TNNT2: variants seen among roughly 807,000 people sequenced by gnomAD.
TNNT2 encodes troponin T2, cardiac type.
A neutral mutation model predicts 62.4 loss-of-function variants in TNNT2; 34 were observed. That is an observed-to-expected ratio of 0.54 (90% confidence interval 0.41 to 0.72). The LOEUF (loss-of-function observed/expected upper bound fraction) is 0.72. TNNT2 is among the 30% of genes least tolerant of loss of function. TNNT2 has a pLI of 0.00. For synonymous variants in TNNT2, 123 were observed against 127.2 expected (o/e 0.97, Z 0.22); for missense variants, 275 against 381.9 (o/e 0.72, Z 2.33).
At chr1:201,362,300 C>A in intron 13 of TNNT2, 86 bp downstream of exon 13, 1 of 1,576,160 alleles carries the variant, frequency 6.3e-7, no homozygotes, top group Non-Finnish European at 8.6e-7. Flanking sequence ...TCTCTTCACT[C>A]CTCCCCTCCA....
chr1:201,360,071 A>C (rs1409844395), intron 15 of TNNT2, among the ~76,000 whole-genome samples: 1 of 152,182 alleles, frequency 6.6e-6, no homozygotes, highest in Non-Finnish European at 1.5e-5. Flanking sequence ...GAGCAGTAGC[A>C]TCCCCATGCA....
rs756239287 is a variant in TNNT2 at position 201,359,197 on chromosome 1, A to C, written c.*13T>G. The C allele has an allele frequency of 1.7e-5, 28 of 1,607,624 alleles. No homozygotes were observed. The Admixed American group carries it at 4.6e-4, about 26-fold the overall frequency. On this transcript the variant is annotated 3_prime_UTR_variant, in exon 17 of 17. Transcript: ENST00000656932. ...CGAGCGAGGAGCAGATCTTTGGTGA[A>C]GGAGGCCAGGCTCTATTTCCAGCGC...
chr1:201,370,645 G>C (rs774263278), intron 4 of TNNT2, among the ~76,000 whole-genome samples: 1 of 152,214 alleles, frequency 6.6e-6, no homozygotes, highest in Non-Finnish European at 1.5e-5. Context: ...AACTGTGTGG[G>C]AGGCAAGTCT....
At chr1:201,365,709 G>T (rs1203792798) in intron 8 of TNNT2, 39 bp from the exon 9 acceptor site, 2 of 1,608,902 alleles carry the variant, frequency 1.2e-6, no homozygotes, top group Non-Finnish European at 1.7e-6. Context: ...GCCCCATTCT[G>T]GACCCAGGGA....
At chr1:201,367,902 G>A (rs958714616) in intron 6 of TNNT2, 96 bp from the exon 7 acceptor site, 5 of 1,441,370 alleles carry the variant, frequency 3.5e-6, no homozygotes, top group Admixed American at 1.7e-5. Flanking sequence ...ATAAGCCCTA[G>A]CCAAGATGCA....
At chr1:201,372,202 G>A in intron 2 of TNNT2, 47 bp from the exon 3 acceptor site, 4 of 1,613,592 alleles carry the variant, frequency 2.5e-6, no homozygotes, top group Non-Finnish European at 3.4e-6. Context: ...ACAAGCACAT[G>A]CAAACACACA....
At chr1:201,361,747 T>C (rs954561033) in intron 14 of TNNT2, among the ~76,000 whole-genome samples, 166 bp downstream of exon 14, 10 of 152,114 alleles carry the variant, frequency 6.6e-5, no homozygotes, top group African/African-American at 2.4e-4. Flanking sequence ...CAGAAAGGAG[T>C]TGGCCCGACC....
chr1:201,367,206 A>G (rs537672549), intron 7 of TNNT2: 7 of 458,406 alleles, frequency 1.5e-5, no homozygotes, highest in African/African-American at 7.9e-5. Flanking sequence ...AAGGTCCCCA[A>G]GGGTCCTGGC....
At chr1:201,374,639 C>A (rs1405278551) in intron 1 of TNNT2, 2 of 152,218 alleles carry the variant, frequency 1.3e-5, no homozygotes, top group Non-Finnish European at 2.9e-5. Context: ...GGTCACTTAA[C>A]CTCCCCACAT....
rs200822703 is a variant in TNNT2, at chr1:201,373,169, C to A, written c.41+45G>T. On this transcript the variant is annotated intron_variant, in intron 2 of 16. Coordinates refer to ENST00000656932, the MANE Select transcript of TNNT2 (RefSeq NM_001276345.2). Reference sequence around the variant, plus strand: ...GCTCCTGGACCAGGTGTCAGGGCAGCGGCGGGAGAGGACCCCACTCAGGCA... The same window carrying A: ...GCTCCTGGACCAGGTGTCAGGGCAGAGGCGGGAGAGGACCCCACTCAGGCA... 2.5e-6 allele frequency: 4 copies of A among 1,597,392 alleles called. No homozygotes were observed. The East Asian group carries it at 8.9e-5, about 36-fold the overall frequency.
At chr1:201,373,581 C>A (rs531341933) in intron 1 of TNNT2, 3 of 419,366 alleles carry the variant, frequency 7.2e-6, no homozygotes, top group South Asian at 6.2e-5. Flanking sequence ...CCTTTCCATC[C>A]ACTCTGCCCA....
intron 8 of TNNT2, chr1:201,366,193 G>A (rs2102269127): frequency 9.7e-7 from 1 of 1,034,380 alleles, no homozygotes; most frequent in Non-Finnish European, 1.2e-6. Context: ...GTGCACAAGA[G>A]GCCAGGAAGG....
chr1:201,367,849 C>A (rs1336903821), intron 6 of TNNT2, 43 bp from the exon 7 acceptor site: 3 of 1,611,070 alleles, frequency 1.9e-6, no homozygotes, highest in Middle Eastern at 1.7e-4. Flanking sequence ...TTGTTCTGAG[C>A]TCAAGTCCCC....
chr1:201,368,081 G>A (rs1244400316), intron 6 of TNNT2, 81 bp downstream of exon 6: 15 of 1,413,830 alleles, frequency 1.1e-5, no homozygotes, highest in Non-Finnish European at 1.5e-5. Context: ...CCTGTTCTGG[G>A]GGGTTTCTTA....
chr1:201,361,425 C>A, intron 14 of TNNT2, 56 bp from the exon 15 acceptor site: 2 of 1,496,752 alleles, frequency 1.3e-6, no homozygotes, highest in Non-Finnish European at 1.9e-6. Context: ...CCTCCTGGGC[C>A]TCCGTCCTGG....
At chr1:201,362,899 T>C (rs1418759091) in intron 12 of TNNT2, among the ~76,000 whole-genome samples, 1 of 152,156 alleles carries the variant, frequency 6.6e-6, no homozygotes, top group East Asian at 1.9e-4. Flanking sequence ...GAGTGCCAGT[T>C]GAGGAAACCG....
At chr1:201,359,476 G>T in intron 16 of TNNT2, 147 bp downstream of exon 16, 1 of 994,588 alleles carries the variant, frequency 1.0e-6, no homozygotes. Context: ...ACGAGGCCCC[G>T]GAGGAGCCAG....
At chr1:201,365,815 CA>C in intron 8 of TNNT2, 145 bp from the exon 9 acceptor site, 1 of 1,532,942 alleles carries the variant, frequency 6.5e-7, no homozygotes, top group South Asian at 1.2e-5. Flanking sequence ...ACACTGACGT[CA>C]ACAATGGCAG....
chr1:201,361,185 A>G, intron 15 of TNNT2, 94 bp downstream of exon 15: 1 of 1,218,954 alleles, frequency 8.2e-7, no homozygotes, highest in East Asian at 2.3e-5. Flanking sequence ...GAATAGGGAC[A>G]GGGACCCAGG....
Sources: allele counts gnomAD v4.1 joint callset (sites outside exome capture counted in the v4.1 genomes callset), GRCh38; gene constraint gnomAD v4.1.1; transcripts MANE v1.5; gene names NCBI Gene and HGNC (gene_info 2026-07-23, HGNC 2026-07-21).